ALK: variants seen among roughly 807,000 people sequenced by gnomAD.
ALK encodes the protein ALK receptor tyrosine kinase.
ALK carries 74 observed loss-of-function variants against 163.1 expected under a neutral mutation model. The observed-to-expected ratio is 0.45, with a 90% confidence interval of 0.38 to 0.55. The LOEUF (loss-of-function observed/expected upper bound fraction) is 0.55. Among genes scored for constraint, ALK ranks in the 20% least tolerant of loss-of-function variants. ALK has a pLI of 0.00. For missense variants in ALK, 2,063 were observed against 2,105.3 expected, an observed-to-expected ratio of 0.98 and a Z score of 0.39; for synonymous variants, 960 against 843.2, an observed-to-expected ratio of 1.14 and a Z score of -2.40.
intron 8 of ALK, among the ~76,000 whole-genome samples, chr2:29,303,302 A>G (rs761256968): frequency 3.1e-4 from 47 of 152,302 alleles, no homozygotes; most frequent in Middle Eastern, 3.4e-3. Flanking sequence ...AACGCTAACC[A>G]CCAGAGAAAT....
intron 5 of ALK, among the ~76,000 whole-genome samples, chr2:29,355,319 T>C (rs1290646256): frequency 6.6e-6 from 1 of 152,152 alleles, no homozygotes. Flanking sequence ...GCACTGGGCC[T>C]AAAACCCAGG....
chr2:29,647,368 T>C (rs1025000491), intron 3 of ALK, among the ~76,000 whole-genome samples: 1 of 152,180 alleles, frequency 6.6e-6, no homozygotes, highest in Non-Finnish European at 1.5e-5. Flanking sequence ...CATACTGTCC[T>C]GGGCCAGGCC....
At chr2:29,444,746 T>G (rs990626420) in intron 4 of ALK, among the ~76,000 whole-genome samples, 5 of 152,320 alleles carry the variant, frequency 3.3e-5, no homozygotes, top group Non-Finnish European at 5.9e-5. Flanking sequence ...ATTAAAAAGT[T>G]TCCTTGGGCT....
At chr2:29,260,981 C>T (rs941431578) in intron 11 of ALK, among the ~76,000 whole-genome samples, 12 of 152,110 alleles carry the variant, frequency 7.9e-5, no homozygotes, top group African/African-American at 2.7e-4. Flanking sequence ...TTGATTTTAT[C>T]CCCAGAACTT....
intron 1 of ALK, among the ~76,000 whole-genome samples, chr2:29,885,080 A>C (rs1213364216): frequency 6.6e-6 from 1 of 152,254 alleles, no homozygotes; most frequent in Non-Finnish European, 1.5e-5. Context: ...AAGAAGGCCT[A>C]GATGCTGAGA....
At chr2:29,194,133 G>C (rs554254866) in intron 28 of ALK, among the ~76,000 whole-genome samples, 1 of 152,212 alleles carries the variant, frequency 6.6e-6, no homozygotes, top group Non-Finnish European at 1.5e-5. Flanking sequence ...GCGCTATAAT[G>C]GAAGTGTGTA....
intron 2 of ALK, among the ~76,000 whole-genome samples, chr2:29,714,231 T>G (rs937855494): frequency 2.0e-5 from 3 of 152,184 alleles, no homozygotes; most frequent in African/African-American, 7.2e-5. Context: ...TGCAGCCCTC[T>G]GCTCGCTGAT....
rs192586766 is a variant in ALK, at chr2:29,632,250, T to A, written c.952+62600A>T. Reference sequence around the variant, plus strand: ...TGTGAGATGTGAGTAACAGCCAGGTTTTCCTTGTAGAGTACAGGGTTAGTG... The same window carrying A: ...TGTGAGATGTGAGTAACAGCCAGGTATTCCTTGTAGAGTACAGGGTTAGTG... On this transcript the variant is annotated intron_variant, in intron 3 of 28. Transcript: ENST00000389048. Among the ~76,000 whole-genome samples, 14 of 152,262 alleles carry A rather than the reference T, an allele frequency of 9.2e-5. No individual in the cohort carries two copies. In the East Asian group the frequency reaches 2.7e-3, roughly 29 times the overall value.
chr2:29,920,212 T>G lies in ALK; in HGVS notation c.448A>C (p.Ile150Leu), dbSNP rs1203267790. The part of the protein sequence containing the change: ...QLVLELGEEA[I>L]LEGCVGPPGE... ...GGGGGCCCGACGCAACCCTCCAAGA[T>G]CGCCTCCTCGCCCAGCTCCAGCACC... Residue 150 changes from isoleucine (I) to leucine (L), a missense_variant, in exon 1 of 29, where the codon ATC becomes CTC. Ile to Leu is a conservative substitution (Grantham distance 5, BLOSUM62 2). Transcript: ENST00000389048. 4 of 1,612,958 alleles carry G rather than the reference T, an allele frequency of 2.5e-6. No homozygotes were observed. Among genetic ancestry groups the G allele is most frequent in the African/African-American group, 1.3e-5 (1 of 75,042 alleles).
At chr2:29,862,250 G>T (rs556127370) in intron 1 of ALK, among the ~76,000 whole-genome samples, 29 of 152,218 alleles carry the variant, frequency 1.9e-4, no homozygotes, top group African/African-American at 7.0e-4. Context: ...TCTATTCAAT[G>T]TAGTACTGGA....
intron 1 of ALK, among the ~76,000 whole-genome samples, chr2:29,730,030 G>A (rs1207152758): frequency 6.6e-6 from 1 of 152,194 alleles, no homozygotes; most frequent in Non-Finnish European, 1.5e-5. Flanking sequence ...GGGCAAAGAA[G>A]GTAAGTCGTC....
chr2:29,504,861 AC>A (rs2148134832), intron 4 of ALK, among the ~76,000 whole-genome samples: 1 of 152,180 alleles, frequency 6.6e-6, no homozygotes, highest in Non-Finnish European at 1.5e-5. Flanking sequence ...AACGGGAAAA[AC>A]CACAATTACC....
intron 5 of ALK, among the ~76,000 whole-genome samples, chr2:29,352,465 G>A (rs906610834): frequency 3.9e-5 from 6 of 152,228 alleles, no homozygotes; most frequent in Non-Finnish European, 8.8e-5. Context: ...CCTACATCAC[G>A]CCCAGAATGT....
intron 3 of ALK, among the ~76,000 whole-genome samples, chr2:29,634,296 C>T (rs1049279187): frequency 2.6e-5 from 4 of 152,014 alleles, no homozygotes; most frequent in African/African-American, 9.7e-5. Flanking sequence ...TACTCCAAAA[C>T]CAAAATCAAA....
intron 1 of ALK, among the ~76,000 whole-genome samples, chr2:29,844,859 GCACACACACACA>G (rs34706620): frequency 3.6e-4 from 53 of 148,632 alleles, no homozygotes; most frequent in African/African-American, 1.2e-3. Context: ...TAACCCCCCT[GCACACACACACA>G]CACACACACA....
intron 3 of ALK, among the ~76,000 whole-genome samples, chr2:29,616,680 A>G (rs911154093): frequency 8.5e-5 from 13 of 152,314 alleles, no homozygotes; most frequent in African/African-American, 2.9e-4. Flanking sequence ...CAGGCAAAAT[A>G]TCAGACTCCT....
intron 8 of ALK, among the ~76,000 whole-genome samples, chr2:29,302,130 G>C (rs1489959681): frequency 6.6e-6 from 1 of 152,188 alleles, no homozygotes; most frequent in East Asian, 1.9e-4. Flanking sequence ...CAAGATAATC[G>C]AGGCAAGACA....
chr2:29,488,619 G>A (rs1388055457), intron 4 of ALK, among the ~76,000 whole-genome samples: 1 of 152,168 alleles, frequency 6.6e-6, no homozygotes, highest in Non-Finnish European at 1.5e-5. Context: ...AAAATGATGT[G>A]TAGCATTCTT....
chr2:29,722,122 G>A (rs189010782), intron 1 of ALK, among the ~76,000 whole-genome samples: 138 of 152,322 alleles, frequency 9.1e-4, no homozygotes, highest in African/African-American at 3.1e-3. Flanking sequence ...TCCTGCTTCA[G>A]TGGGAAGATC....
Sources: gnomAD v4.1 joint callset for allele counts (sites outside exome capture counted in the v4.1 genomes callset) on GRCh38, gnomAD v4.1.1 for gene constraint, MANE v1.5 for transcripts, NCBI Gene and HGNC (gene_info 2026-07-23, HGNC 2026-07-21) for gene names.